CDH13: variants seen among roughly 807,000 people sequenced by gnomAD.
CDH13 encodes the protein cadherin-13.
A neutral mutation model predicts 63.8 loss-of-function variants in CDH13; 24 were observed. The observed-to-expected ratio is 0.38, with a 90% CI of 0.27 to 0.53. The LOEUF (loss-of-function observed/expected upper bound fraction) is 0.53. Among genes scored for constraint, CDH13 ranks in the 20% least tolerant of loss-of-function variants. The pLI is 0.85. For synonymous variants in CDH13, 503 were observed against 355.3 expected (o/e 1.42, Z -4.67); for missense variants, 1,049 against 903.1 (o/e 1.16, Z -2.07).
At chr16:82,952,591 T>C (rs937175180) in intron 2 of CDH13, among the ~76,000 whole-genome samples, 2 of 152,236 alleles carry the variant, frequency 1.3e-5, no homozygotes, top group Non-Finnish European at 2.9e-5. Flanking sequence ...CAGTAGCTAA[T>C]ATCTGTTTAC....
At chr16:83,222,783 C>A (rs909968552) in intron 5 of CDH13, among the ~76,000 whole-genome samples, 7 of 152,228 alleles carry the variant, frequency 4.6e-5, no homozygotes, top group South Asian at 2.1e-4. Flanking sequence ...TAGGATTGCC[C>A]AAAGTGCCAA....
At chr16:82,725,314 G>T (rs1395310691) in intron 1 of CDH13, among the ~76,000 whole-genome samples, 1 of 152,144 alleles carries the variant, frequency 6.6e-6, no homozygotes, top group African/African-American at 2.4e-5. Context: ...AACCAGGTTT[G>T]TGGCCTTGGG....
intron 5 of CDH13, among the ~76,000 whole-genome samples, chr16:83,294,544 C>G (rs750547976): frequency 6.6e-6 from 1 of 151,928 alleles, no homozygotes; most frequent in Non-Finnish European, 1.5e-5. Flanking sequence ...CAGGTTCATC[C>G]ATGTTGTCAC....
At chr16:83,458,522 A>G (rs1356216341) in intron 6 of CDH13, among the ~76,000 whole-genome samples, 2 of 152,162 alleles carry the variant, frequency 1.3e-5, no homozygotes, top group Admixed American at 6.5e-5. Flanking sequence ...TATAGAATGG[A>G]GTTCATCTTA....
intron 6 of CDH13, among the ~76,000 whole-genome samples, chr16:83,435,193 C>G (rs1210845756): frequency 6.6e-6 from 1 of 151,748 alleles, no homozygotes; most frequent in Non-Finnish European, 1.5e-5. Context: ...ATTGCAGGAG[C>G]CTGCTACCAT....
rs111244052 is a variant in CDH13 at position 83,433,663 on chromosome 16, G to C, written c.782-52814G>C. Among the ~76,000 whole-genome samples the C allele has an allele frequency of 3.9e-5, 6 of 152,302 alleles. 1 individual carries two copies. The highest frequency in any genetic ancestry group is 1.4e-4 in the African/African-American group (6 of 41,572). ...TTCATTACCCCAGCAGGAAAGAAAGGGGAGCCCTCTCAAGTCCAGTTGTGT... is the reference window on the plus strand; with the variant it reads ...TTCATTACCCCAGCAGGAAAGAAAGCGGAGCCCTCTCAAGTCCAGTTGTGT... On this transcript the variant is annotated intron_variant, in intron 6 of 13. Coordinates refer to ENST00000567109, the MANE Select transcript of CDH13 (RefSeq NM_001257.5).
At chr16:83,286,409 C>G (rs1275499693) in intron 5 of CDH13, among the ~76,000 whole-genome samples, 1 of 152,188 alleles carries the variant, frequency 6.6e-6, no homozygotes. Flanking sequence ...CATGCTCCCT[C>G]TGGTCAGAGG....
chr16:83,180,417 C>A lies in CDH13; in HGVS notation c.484-36928C>A, dbSNP rs552984706. On this transcript the variant is annotated intron_variant, in intron 4 of 13. Transcript: ENST00000567109. Reference sequence around the variant, plus strand: ...CTATCCTAATATGGATTATCATAATCTATGTTTTTACAAAAATAGTGCCAA... The same window carrying A: ...CTATCCTAATATGGATTATCATAATATATGTTTTTACAAAAATAGTGCCAA... Among the ~76,000 whole-genome samples, 8 of 152,070 alleles carry A rather than the reference C, an allele frequency of 5.3e-5. No individual in the cohort carries two copies. The South Asian group carries it at 1.7e-3, about 32-fold the overall frequency.
chr16:83,022,024 C>T (rs1030902605), intron 2 of CDH13, among the ~76,000 whole-genome samples: 1 of 152,124 alleles, frequency 6.6e-6, no homozygotes, highest in Admixed American at 6.6e-5. Context: ...AAAAGAAATG[C>T]TTCCTGTTTC....
At chr16:83,620,916 C>G (rs551903742) in intron 8 of CDH13, among the ~76,000 whole-genome samples, 1 of 152,132 alleles carries the variant, frequency 6.6e-6, no homozygotes, top group Non-Finnish European at 1.5e-5. Flanking sequence ...GTCCAACATG[C>G]CCCAGACTTG....
At chr16:82,896,937 C>A (rs568849872) in intron 2 of CDH13, among the ~76,000 whole-genome samples, 1 of 151,796 alleles carries the variant, frequency 6.6e-6, no homozygotes, top group South Asian at 2.1e-4. Flanking sequence ...CCCGCCATCA[C>A]GCCCAGCTAA....
intron 7 of CDH13, among the ~76,000 whole-genome samples, chr16:83,530,103 C>T (rs533297084): frequency 1.5e-4 from 23 of 152,242 alleles, no homozygotes; most frequent in African/African-American, 3.4e-4. Flanking sequence ...CATGGCTCTG[C>T]GTACCTGTTC....
At chr16:83,199,722 A>G (rs2038970913) in intron 4 of CDH13, among the ~76,000 whole-genome samples, 1 of 152,146 alleles carries the variant, frequency 6.6e-6, no homozygotes, top group South Asian at 2.1e-4. Flanking sequence ...AGTGCCTACT[A>G]TGTGCCTGCC....
chr16:83,221,610 C>T (rs1474314662), intron 5 of CDH13, among the ~76,000 whole-genome samples: 2 of 115,860 alleles, frequency 1.7e-5, no homozygotes, highest in Admixed American at 1.0e-4. Flanking sequence ...TATGGGATGA[C>T]GGGAGTGGAG....
chr16:83,625,871 G>A (rs907905211), intron 8 of CDH13, among the ~76,000 whole-genome samples: 1 of 152,194 alleles, frequency 6.6e-6, no homozygotes, highest in African/African-American at 2.4e-5. Flanking sequence ...GGTAGCCAGA[G>A]ACAAATGCAA....
At chr16:82,850,808 C>G (rs1488752385) in intron 1 of CDH13, among the ~76,000 whole-genome samples, 1 of 152,178 alleles carries the variant, frequency 6.6e-6, no homozygotes, top group Non-Finnish European at 1.5e-5. Flanking sequence ...AAAAAGACAA[C>G]CACTTGTTGA....
chr16:83,323,617 AAAAC>A (rs1351787108), intron 5 of CDH13, among the ~76,000 whole-genome samples: 2 of 152,174 alleles, frequency 1.3e-5, no homozygotes, highest in Admixed American at 1.3e-4. Flanking sequence ...GAAAAAAACA[AAAAC>A]AAAAATAAAC....
At chr16:82,690,782 G>C (rs950708378) in intron 1 of CDH13, among the ~76,000 whole-genome samples, 3 of 152,208 alleles carry the variant, frequency 2.0e-5, no homozygotes, top group Admixed American at 2.0e-4. Context: ...GGCACAACCT[G>C]CTCACACCTC....
intron 2 of CDH13, among the ~76,000 whole-genome samples, chr16:83,027,867 A>T (rs191399884): frequency 6.6e-6 from 1 of 152,212 alleles, no homozygotes; most frequent in African/African-American, 2.4e-5. Context: ...TAGGTCCCCA[A>T]TTATTTATAA....
Sources: gnomAD v4.1 joint callset for allele counts (sites outside exome capture counted in the v4.1 genomes callset) on GRCh38, gnomAD v4.1.1 for gene constraint, MANE v1.5 for transcripts, NCBI Gene and HGNC (gene_info 2026-07-23, HGNC 2026-07-21) for gene names.